The following VPS35L variants were observed in gnomAD, a reference collection of about 807,000 sequenced individuals.
VPS35L encodes the protein VPS35 endosomal protein sorting factor like, also known as VPS35 endosomal protein-sorting factor-like.
In VPS35L, 83 loss-of-function variants were observed where a neutral mutation model predicts 133.0. That is an observed-to-expected ratio of 0.62 (90% CI 0.52 to 0.75). VPS35L has a LOEUF of 0.75. VPS35L is among the 30% of genes least tolerant of loss of function. The pLI is 0.00. For missense variants in VPS35L, 1,083 were observed against 1,206.8 expected (o/e 0.90, Z 1.52); for synonymous variants, 423 against 449.9 (o/e 0.94, Z 0.76).
At chr16:19,684,803 T>A (rs1975400375) in intron 28 of VPS35L, among the ~76,000 whole-genome samples, 1 of 152,146 alleles carries the variant, frequency 6.6e-6, no homozygotes, top group Non-Finnish European at 1.5e-5. Context: ...GTGCCTATAA[T>A]CCCAGCACTT....
chr16:19,678,288 G>A (rs1975132721), intron 27 of VPS35L, among the ~76,000 whole-genome samples: 1 of 152,092 alleles, frequency 6.6e-6, no homozygotes, highest in Admixed American at 6.6e-5. Context: ...CTGAGCCCCT[G>A]CCAGGTGCTA....
chr16:19,666,965 TTC>T (rs1974707318), intron 26 of VPS35L, among the ~76,000 whole-genome samples: 2 of 110,644 alleles, frequency 1.8e-5, no homozygotes, highest in African/African-American at 7.1e-5. Flanking sequence ...TCTTCCTTTC[TTC>T]CTTTCTTCCT....
At position 19,699,953 on chromosome 16, in the gene VPS35L, C is replaced by T. The variant is rs974676286; in HGVS notation, c.2793+305C>T. Among the ~76,000 whole-genome samples the T allele has an allele frequency of 6.6e-5, 10 of 152,022 alleles. No individual in the cohort carries two copies. Among genetic ancestry groups the T allele is most frequent in the African/African-American group, 1.9e-4 (8 of 41,386 alleles). On this transcript the variant is annotated intron_variant, in intron 30 of 30. Coordinates refer to ENST00000417362, the MANE Select transcript of VPS35L (RefSeq NM_020314.7). The surrounding 1 kb of genome is among the most constrained non-coding windows in gnomAD (Gnocchi z 4.2). ...TCTCTACAAAAAATAAAAAATTAGC[C>T]GGCCATGGTGGTGCACATGTGTAGT... is the stretch of plus-strand genomic sequence containing the variant.
At chr16:19,661,023 T>C (rs1241943603) in intron 26 of VPS35L, among the ~76,000 whole-genome samples, 1 of 151,164 alleles carries the variant, frequency 6.6e-6, no homozygotes, top group Non-Finnish European at 1.5e-5. Flanking sequence ...GCTCTCTGCC[T>C]CTCTATTCTC....
At chr16:19,615,550 T>C (rs1191067360) in intron 12 of VPS35L, among the ~76,000 whole-genome samples, 2 of 152,078 alleles carry the variant, frequency 1.3e-5, no homozygotes, top group African/African-American at 2.4e-5. Flanking sequence ...CTTGGGAGGC[T>C]GAGGCAGGAG....
At chr16:19,676,504 A>G (rs1214580061) in intron 27 of VPS35L, among the ~76,000 whole-genome samples, 3 of 152,226 alleles carry the variant, frequency 2.0e-5, no homozygotes, top group Non-Finnish European at 4.4e-5. Flanking sequence ...TCATGTAACA[A>G]TGTGGTAAGA....
At chr16:19,623,188 T>A (rs952680381) in intron 14 of VPS35L, among the ~76,000 whole-genome samples, 7 of 147,770 alleles carry the variant, frequency 4.7e-5, no homozygotes, top group Non-Finnish European at 1.1e-4. Context: ...TGTATTAATC[T>A]GCTTGGGCTC....
intron 26 of VPS35L, among the ~76,000 whole-genome samples, chr16:19,661,167 A>G (rs1974473571): frequency 6.6e-6 from 1 of 151,374 alleles, no homozygotes. Context: ...CTTCTCTGTA[A>G]ATCTTGGTGT....
intron 26 of VPS35L, among the ~76,000 whole-genome samples, chr16:19,653,415 G>GA (rs1252337953): frequency 6.6e-6 from 1 of 152,194 alleles, no homozygotes; most frequent in African/African-American, 2.4e-5. Flanking sequence ...CATCCTCCCA[G>GA]AAGCCACATG....
intron 19 of VPS35L, among the ~76,000 whole-genome samples, chr16:19,636,838 G>A (rs1246286763): frequency 1.3e-5 from 2 of 152,166 alleles, no homozygotes; most frequent in African/African-American, 4.8e-5. Flanking sequence ...ACTGTGCATC[G>A]CAGAGTGAGG....
chr16:19,565,923 G>T (rs1189400543), intron 2 of VPS35L, among the ~76,000 whole-genome samples: 1 of 152,168 alleles, frequency 6.6e-6, no homozygotes, highest in African/African-American at 2.4e-5. Context: ...AAAAACAAAA[G>T]CAGGCAAGAG....
chr16:19,570,834 C>CTCATATATAT (rs1971339682), intron 3 of VPS35L, among the ~76,000 whole-genome samples: 1 of 78,806 alleles, frequency 1.3e-5, no homozygotes, highest in East Asian at 3.5e-4. Flanking sequence ...TGCTGTGTTT[C>CTCATATATAT]ATATATATAT....
intron 27 of VPS35L, among the ~76,000 whole-genome samples, chr16:19,676,532 A>G (rs1339479255): frequency 6.6e-6 from 1 of 152,234 alleles, no homozygotes; most frequent in Non-Finnish European, 1.5e-5. Flanking sequence ...GACTTGACTG[A>G]ACAAGTTCAG....
In VPS35L at chr16:19,639,936, C is replaced by T; in HGVS notation, c.1699-79C>T. 3 of 1,266,302 alleles carry T rather than the reference C, an allele frequency of 2.4e-6. No homozygotes were observed. In the South Asian group the frequency reaches 3.9e-5, roughly 16 times the overall value. 78.4% of individuals were successfully genotyped at this position (1,266,302 alleles called of 1,614,324 possible). ...ACCTCTGTTCTGCTTCTTTGAACTC[C>T]ACAGAAAAAGAGACCCACAGATTCC... is the stretch of plus-strand genomic sequence containing the variant. On this transcript the variant is annotated intron_variant, in intron 20 of 30. Coordinates refer to ENST00000417362, the MANE Select transcript of VPS35L (RefSeq NM_020314.7). This position sits in a 1 kb window ranked among gnomAD's most constrained non-coding sequence, Gnocchi z 4.1.
intron 2 of VPS35L, among the ~76,000 whole-genome samples, chr16:19,566,843 G>A (rs1027060706): frequency 1.3e-5 from 2 of 151,242 alleles, no homozygotes; most frequent in African/African-American, 2.4e-5. Context: ...TCTACCTCCC[G>A]GGTTCAAGTG....
At position 19,697,801 on chromosome 16, in the gene VPS35L, T is replaced by C. The variant is rs549522843; in HGVS notation, c.2647-1701T>C. The stretch of plus-strand genomic sequence containing the variant: ...TTTCTGAGTGCGATTCCTGATAAGA[T>C]GCGACCCTGAGTGTGTGGCCTGGAG... On this transcript the variant is annotated intron_variant, in intron 29 of 30. Coordinates refer to ENST00000417362, the MANE Select transcript of VPS35L (RefSeq NM_020314.7). Among the ~76,000 whole-genome samples the C allele has an allele frequency of 1.8e-4, 27 of 152,342 alleles. No individual in the cohort carries two copies. The South Asian group carries it at 1.9e-3, about 11-fold the overall frequency.
At chr16:19,569,174 T>G (rs1444236232) in intron 2 of VPS35L, 5 of 653,598 alleles carry the variant, frequency 7.6e-6, no homozygotes, top group Non-Finnish European at 1.1e-5. Context: ...GCCATCTCAG[T>G]CCAGTGACCT....
chr16:19,675,883 T>C (rs1975048455), intron 27 of VPS35L, among the ~76,000 whole-genome samples: 1 of 152,120 alleles, frequency 6.6e-6, no homozygotes, highest in African/African-American at 2.4e-5. Context: ...TGCACTGTTT[T>C]GCTTTCCTAC....
chr16:19,691,321 G>T, intron 28 of VPS35L, 32 bp from the exon 29 acceptor site: 1 of 1,572,748 alleles, frequency 6.4e-7, no homozygotes, highest in South Asian at 1.1e-5. Context: ...GCGGGGCTTG[G>T]GTCTGTCTCA....
Sources: allele counts gnomAD v4.1 joint callset (sites outside exome capture counted in the v4.1 genomes callset), GRCh38; gene constraint gnomAD v4.1.1; non-coding constraint Gnocchi (gnomAD v3.1); transcripts MANE v1.5; gene names NCBI Gene and HGNC (gene_info 2026-07-23, HGNC 2026-07-21).